NELL2: variants seen among roughly 807,000 people sequenced by gnomAD.
NELL2 encodes the protein neural EGFL like 2, also known as protein kinase C-binding protein NELL2.
NELL2 carries 41 observed loss-of-function variants against 109.6 expected under a neutral mutation model. The observed-to-expected ratio is 0.37, with a 90% confidence interval of 0.29 to 0.49. NELL2 has a LOEUF of 0.49. NELL2 is among the 20% of genes least tolerant of loss of function. The pLI is 0.98. For missense variants in NELL2, 900 were observed against 1,008.3 expected (o/e 0.89, Z 1.45); for synonymous variants, 355 against 344.7 (o/e 1.03, Z -0.33).
In NELL2 at chr12:44,610,899, G is replaced by A; in HGVS notation, c.1516C>T (p.His506Tyr). The A allele has an allele frequency of 6.2e-7, 1 of 1,613,102 alleles. No individual in the cohort carries two copies. Among genetic ancestry groups the A allele is most frequent in the Non-Finnish European group, 8.5e-7 (1 of 1,179,332 alleles). The change falls in exon 14 of 20, where the codon CAC (histidine) becomes TAC (tyrosine). Residue 506 changes from histidine (H) to tyrosine (Y), a missense_variant. His to Tyr is a moderately conservative substitution (Grantham distance 83, BLOSUM62 2). This residue lies in a region of NELL2 where 333 missense variants were observed against 432.3 expected (regional missense o/e 0.77). Transcript: ENST00000429094. ...TAGCCCGGCTTGCAAACACAGTTGT[G>A]TCCTCCAACAGTGTTGAAGCATAAA... is the stretch of plus-strand genomic sequence containing the variant. ...NALCFNTVGG[H>Y]NCVCKPGYTG... is the part of the protein sequence containing the mutation.
intron 9 of NELL2, among the ~76,000 whole-genome samples, chr12:44,758,733 T>C (rs2136543480): frequency 6.6e-6 from 1 of 152,282 alleles, no homozygotes; most frequent in East Asian, 1.9e-4. Flanking sequence ...TAAAGCTGGG[T>C]TAGAATTTCT....
chr12:44,822,421 G>A (rs1317243863), intron 2 of NELL2, among the ~76,000 whole-genome samples: 1 of 152,102 alleles, frequency 6.6e-6, no homozygotes, highest in Admixed American at 6.5e-5. Context: ...TGATATACAA[G>A]TTTTGGCCAT....
At chr12:44,886,490 A>ATT (rs1945475142) in intron 1 of NELL2, among the ~76,000 whole-genome samples, 1 of 151,970 alleles carries the variant, frequency 6.6e-6, no homozygotes, top group African/African-American at 2.4e-5. Context: ...TTCAATTAAA[A>ATT]AAGATAGGCA....
intron 19 of NELL2, among the ~76,000 whole-genome samples, chr12:44,512,033 G>C (rs866127265): frequency 6.6e-6 from 1 of 152,078 alleles, no homozygotes; most frequent in South Asian, 2.1e-4. Flanking sequence ...AAAATCAACA[G>C]AATGAAGAGA....
chr12:44,908,709 A>G (rs1945747238), intron 1 of NELL2, among the ~76,000 whole-genome samples: 1 of 152,030 alleles, frequency 6.6e-6, no homozygotes, highest in South Asian at 2.1e-4. Context: ...CAGGTAGTCT[A>G]AAGTAAATGA....
chr12:44,556,338 A>G (rs1320767127), intron 15 of NELL2, among the ~76,000 whole-genome samples: 1 of 152,192 alleles, frequency 6.6e-6, no homozygotes, highest in East Asian at 1.9e-4. Context: ...TTAAGTGGGA[A>G]AAAAGGATAG....
intron 2 of NELL2, among the ~76,000 whole-genome samples, chr12:44,844,150 G>A (rs1252673095): frequency 6.6e-6 from 1 of 152,170 alleles, no homozygotes; most frequent in Admixed American, 6.5e-5. Flanking sequence ...TTTTATAAGA[G>A]TCTTAATCCC....
chr12:44,748,016 T>C (rs1940472886), intron 9 of NELL2, among the ~76,000 whole-genome samples: 1 of 152,156 alleles, frequency 6.6e-6, no homozygotes, highest in Admixed American at 6.6e-5. Context: ...TACATCATAC[T>C]GTCCCTTATC....
At chr12:44,854,428 T>C (rs932841966) in intron 2 of NELL2, among the ~76,000 whole-genome samples, 3 of 152,090 alleles carry the variant, frequency 2.0e-5, no homozygotes, top group African/African-American at 7.2e-5. Flanking sequence ...TTGAACATAG[T>C]GTTAAAGATT....
chr12:44,718,486 A>T (rs991388745), intron 9 of NELL2, among the ~76,000 whole-genome samples: 1 of 152,156 alleles, frequency 6.6e-6, no homozygotes, highest in African/African-American at 2.4e-5. Flanking sequence ...CAGAGGCTTC[A>T]TTTCTTCCCT....
At chr12:44,618,836 A>G (rs1945932673) in intron 13 of NELL2, among the ~76,000 whole-genome samples, 1 of 152,206 alleles carries the variant, frequency 6.6e-6, no homozygotes, top group Non-Finnish European at 1.5e-5. Context: ...CAGACTGCAA[A>G]GCACTGTGCT....
chr12:44,586,978 T>C lies in NELL2; in HGVS notation c.1663+20191A>G, dbSNP rs960572716. On this transcript the variant is annotated intron_variant, in intron 15 of 19. Transcript: ENST00000429094. ...TAGTTGAGTAAGGTATTGACTTAAATATTTTAAGTATGGGCCGGGAGCAGT... is the reference window on the plus strand; with the variant it reads ...TAGTTGAGTAAGGTATTGACTTAAACATTTTAAGTATGGGCCGGGAGCAGT... Among the ~76,000 whole-genome samples, 6 of 152,160 alleles carry C rather than the reference T, an allele frequency of 3.9e-5. No homozygotes were observed. The South Asian group carries it at 6.2e-4, about 16-fold the overall frequency.
chr12:44,607,292 G>A (rs368693561), intron 14 of NELL2, 28 bp from the exon 15 acceptor site: 186 of 1,593,142 alleles, frequency 1.2e-4, no homozygotes, highest in Non-Finnish European at 1.6e-4. Flanking sequence ...CATGATTTTA[G>A]CACTTTAGAA....
At chr12:44,700,716 A>G (rs1949203844) in intron 12 of NELL2, among the ~76,000 whole-genome samples, 1 of 152,254 alleles carries the variant, frequency 6.6e-6, no homozygotes, top group Middle Eastern at 3.4e-3. Context: ...CTCTTTTAGA[A>G]TAGTTGCCAC....
chr12:44,579,003 A>G (rs1052467000), intron 15 of NELL2, among the ~76,000 whole-genome samples: 1 of 152,112 alleles, frequency 6.6e-6, no homozygotes, highest in Non-Finnish European at 1.5e-5. Flanking sequence ...TACTTTATTC[A>G]ATTCAGGTTT....
At chr12:44,705,405 T>C (rs1937816339) in intron 11 of NELL2, among the ~76,000 whole-genome samples, 1 of 152,204 alleles carries the variant, frequency 6.6e-6, no homozygotes, top group Admixed American at 6.5e-5. Flanking sequence ...TAACAGCATT[T>C]AAAATACTTG....
At chr12:44,892,002 A>G (rs1382707138) in intron 1 of NELL2, among the ~76,000 whole-genome samples, 1 of 152,224 alleles carries the variant, frequency 6.6e-6, no homozygotes, top group African/African-American at 2.4e-5. Context: ...AGCCTATTCC[A>G]ACAGTATATT....
intron 1 of NELL2, among the ~76,000 whole-genome samples, chr12:44,920,179 TAGA>T (rs920514277): frequency 7.2e-5 from 11 of 152,034 alleles, no homozygotes; most frequent in African/African-American, 2.7e-4. Context: ...AGAAATAAAG[TAGA>T]AGAATAAACG....
chr12:44,703,806 C>T lies in NELL2; in HGVS notation c.1238G>A (p.Cys413Tyr), dbSNP rs1340770407. ...ERHNCMENSICRNLNDRAVCS... is the reference protein window; with the variant it reads ...ERHNCMENSIYRNLNDRAVCS... ...AACAGCCCTGTCATTCAGATTTCTGCAGATGGAATTCTCCATGCAGTTATG... is the reference window on the plus strand; with the variant it reads ...AACAGCCCTGTCATTCAGATTTCTGTAGATGGAATTCTCCATGCAGTTATG... The change falls in exon 12 of 20, where the codon TGC (cysteine) becomes TAC (tyrosine). Residue 413 changes from cysteine (C) to tyrosine (Y), a missense_variant. Coordinates refer to ENST00000429094, the MANE Select transcript of NELL2 (RefSeq NM_001145108.2). 1.2e-6 allele frequency: 2 copies of T among 1,613,358 alleles called. No homozygotes were observed.
Sources: gnomAD v4.1 joint callset for allele counts (sites outside exome capture counted in the v4.1 genomes callset) on GRCh38, gnomAD v4.1.1 for gene constraint, gnomAD v4.1.1 regional missense constraint, MANE v1.5 for transcripts, NCBI Gene and HGNC (gene_info 2026-07-23, HGNC 2026-07-21) for gene names.